GRID2: variants seen among roughly 807,000 people sequenced by gnomAD.
GRID2 encodes glutamate receptor ionotropic, delta-2.
GRID2 carries 33 observed loss-of-function variants against 114.8 expected under a neutral mutation model. That is an observed-to-expected ratio of 0.29 (90% CI 0.22 to 0.38). The LOEUF is 0.38. Ranked by LOEUF, GRID2 falls within the 10% of genes least tolerant of loss-of-function variation. GRID2 has a pLI of 1.00. For missense variants in GRID2, 1,184 were observed against 1,257.7 expected (o/e 0.94, Z 0.89); for synonymous variants, 505 against 449.9 (o/e 1.12, Z -1.55).
chr4:93,422,716 T>C, intron 9 of GRID2, 55 bp from the exon 10 acceptor site: 2 of 1,068,574 alleles, frequency 1.9e-6, no homozygotes, highest in Admixed American at 4.1e-5. Flanking sequence ...AATTAATCTT[T>C]GCTTTTAGGG....
intron 1 of GRID2, among the ~76,000 whole-genome samples, chr4:92,339,040 C>A (rs1727338300): frequency 6.6e-6 from 1 of 151,904 alleles, no homozygotes; most frequent in Non-Finnish European, 1.5e-5. Context: ...TTCCCATTGC[C>A]ATAGGGACAT....
intron 2 of GRID2, among the ~76,000 whole-genome samples, chr4:92,948,105 T>G (rs1751774662): frequency 6.6e-6 from 1 of 151,892 alleles, no homozygotes; most frequent in Admixed American, 6.6e-5. Flanking sequence ...TCCTAATAAT[T>G]TTTTTATAAA....
intron 14 of GRID2, among the ~76,000 whole-genome samples, chr4:93,744,820 A>ATT (rs1333206827): frequency 4.6e-5 from 7 of 151,786 alleles, no homozygotes; most frequent in African/African-American, 1.5e-4. Context: ...GAATTGATAC[A>ATT]GCAACCCTCA....
intron 8 of GRID2, among the ~76,000 whole-genome samples, chr4:93,316,226 T>C (rs549010631): frequency 1.1e-4 from 16 of 150,878 alleles, no homozygotes; most frequent in African/African-American, 3.9e-4. Context: ...CCAGCCTGGC[T>C]TGTTGCATTT....
At chr4:93,131,145 A>ATTTTTTT (rs34215461) in intron 4 of GRID2, among the ~76,000 whole-genome samples, 3 of 88,748 alleles carry the variant, frequency 3.4e-5, no homozygotes, top group African/African-American at 1.6e-4. Flanking sequence ...AGATTAAATA[A>ATTTTTTT]TTTTTTTTTT....
intron 2 of GRID2, among the ~76,000 whole-genome samples, chr4:92,986,351 CA>C: frequency 1.3e-5 from 2 of 152,210 alleles, no homozygotes; most frequent in South Asian, 4.1e-4. Flanking sequence ...TTGATTAAAT[CA>C]GCCAATAAGT....
chr4:93,153,894 A>G (rs1736942744), intron 4 of GRID2, among the ~76,000 whole-genome samples: 2 of 152,116 alleles, frequency 1.3e-5, no homozygotes, highest in African/African-American at 4.8e-5. Flanking sequence ...ACAGATTTTT[A>G]GATGTACAAT....
intron 2 of GRID2, among the ~76,000 whole-genome samples, chr4:93,067,081 A>G (rs1300406750): frequency 6.6e-6 from 1 of 151,894 alleles, no homozygotes; most frequent in Non-Finnish European, 1.5e-5. Context: ...ACCATGGTTG[A>G]CTCCAGGTAA....
At chr4:93,280,434 T>G (rs908233129) in intron 8 of GRID2, among the ~76,000 whole-genome samples, 1 of 152,048 alleles carries the variant, frequency 6.6e-6, no homozygotes, top group Non-Finnish European at 1.5e-5. Flanking sequence ...ATGAAACTGA[T>G]AGGCTATAAA....
intron 14 of GRID2, among the ~76,000 whole-genome samples, chr4:93,690,302 G>A (rs1326309413): frequency 1.3e-5 from 2 of 151,992 alleles, no homozygotes; most frequent in Non-Finnish European, 2.9e-5. Flanking sequence ...TTCTGAGGCA[G>A]GTGTGGAGGA....
chr4:92,353,407 A>T (rs1336485455), intron 1 of GRID2, among the ~76,000 whole-genome samples: 1 of 151,886 alleles, frequency 6.6e-6, no homozygotes, highest in Admixed American at 6.6e-5. Context: ...CTATGAGGTT[A>T]TTTTTGTTGA....
At chr4:92,390,688 A>G (rs1730198563) in intron 1 of GRID2, among the ~76,000 whole-genome samples, 1 of 152,208 alleles carries the variant, frequency 6.6e-6, no homozygotes, top group African/African-American at 2.4e-5. Context: ...ACTTTGCTCC[A>G]GAGAGAAATT....
At chr4:92,840,992 A>T (rs1373263139) in intron 2 of GRID2, among the ~76,000 whole-genome samples, 3 of 152,070 alleles carry the variant, frequency 2.0e-5, no homozygotes, top group East Asian at 1.9e-4. Flanking sequence ...ACACTGAAAC[A>T]ACTGCTTTCC....
At chr4:93,295,686 C>A (rs1754226728) in intron 8 of GRID2, among the ~76,000 whole-genome samples, 2 of 152,088 alleles carry the variant, frequency 1.3e-5, no homozygotes, top group Admixed American at 6.6e-5. Flanking sequence ...TAAGGCTGTT[C>A]AACTGATTGA....
intron 1 of GRID2, among the ~76,000 whole-genome samples, chr4:92,554,335 T>A (rs563595549): frequency 6.6e-6 from 1 of 152,210 alleles, no homozygotes; most frequent in South Asian, 2.1e-4. Flanking sequence ...GAATCTGTTA[T>A]AAAGTAATAA....
chr4:92,708,769 G>C (rs777240863), intron 2 of GRID2, among the ~76,000 whole-genome samples: 22 of 152,020 alleles, frequency 1.4e-4, no homozygotes, highest in Non-Finnish European at 3.1e-4. Flanking sequence ...TCTACTAAAC[G>C]CAAAAAATTA....
chr4:93,219,031 T>A (rs1190363283), intron 6 of GRID2, among the ~76,000 whole-genome samples: 1 of 152,134 alleles, frequency 6.6e-6, no homozygotes, highest in East Asian at 1.9e-4. Context: ...GAACTACAAT[T>A]CAAGATGAGA....
intron 8 of GRID2, among the ~76,000 whole-genome samples, chr4:93,245,656 T>TAAC (rs1468733212): frequency 9.6e-4 from 146 of 152,318 alleles, no homozygotes; most frequent in African/African-American, 3.5e-3. Context: ...CCTTTGCTGT[T>TAAC]AGACATACCT....
chr4:92,938,792 C>T (rs1367445277), intron 2 of GRID2, among the ~76,000 whole-genome samples: 2 of 143,542 alleles, frequency 1.4e-5, no homozygotes, highest in African/African-American at 2.5e-5. Flanking sequence ...TCAATTCCCA[C>T]CTATGAGTGA....
Sources: gnomAD v4.1 joint callset for allele counts (sites outside exome capture counted in the v4.1 genomes callset) on GRCh38, gnomAD v4.1.1 for gene constraint, MANE v1.5 for transcripts, NCBI Gene and HGNC (gene_info 2026-07-23, HGNC 2026-07-21) for gene names.